Variants in FLNB observed in about 807,000 individuals in gnomAD.
FLNB encodes the protein filamin-B.
Under a neutral mutation model 250.6 loss-of-function variants are expected in FLNB, and 111 were observed. The observed-to-expected ratio is 0.44, with a 90% CI of 0.38 to 0.52. The LOEUF (loss-of-function observed/expected upper bound fraction) is 0.52. Ranked by LOEUF, FLNB falls within the 20% of genes least tolerant of loss-of-function variation. The pLI, the probability that FLNB is intolerant of heterozygous loss-of-function variation, is 0.00. For missense variants in FLNB, 2,869 were observed against 3,447.8 expected (o/e 0.83, Z 4.20); for synonymous variants, 1,302 against 1,372.1 (o/e 0.95, Z 1.13).
chr3:58,054,654 C>T (rs1480173148), intron 1 of FLNB, among the ~76,000 whole-genome samples: 2 of 152,126 alleles, frequency 1.3e-5, no homozygotes, highest in African/African-American at 4.8e-5. Flanking sequence ...ATGGGGGTAA[C>T]CATTCCCCTG....
rs767408107 is a variant in FLNB, at chr3:58,142,676, G to A, written c.5208G>A (p.Val1736=). The A allele has an allele frequency of 1.2e-5, 19 of 1,614,194 alleles. No homozygotes were observed. The highest frequency in any genetic ancestry group is 1.7e-5 in the Admixed American group (1 of 60,034). ...PWVTEEAYVP[V]SDMNGLGFKP... ...TGACCGAAGAGGCCTATGTCCCAGT[G>A]AGTGACATGAACGGCCTGGGATTTA... The change falls in exon 31 of 46, where the codon GTG becomes GTA. Residue 1736 remains valine (V), a synonymous_variant. Transcript: ENST00000295956. The surrounding 1 kb of genome is among the most constrained non-coding windows in gnomAD (Gnocchi z 4.3).
At chr3:58,137,393 T>C (rs545711863) in intron 28 of FLNB, among the ~76,000 whole-genome samples, 1 of 152,362 alleles carries the variant, frequency 6.6e-6, no homozygotes, top group South Asian at 2.1e-4. Flanking sequence ...GACTTCCCCC[T>C]TGCCTTGCAG....
Position 58,153,653 on chromosome 3 carries a change from G to T in FLNB, c.6634+12G>T. 1.9e-6 allele frequency: 3 copies of T among 1,613,772 alleles called. No individual in the cohort carries two copies. The highest frequency in any genetic ancestry group is 2.5e-6 in the Non-Finnish European group (3 of 1,179,892). ...AGCGGGAGTCCCAGGTGAGCATTGC[G>T]GGCAGGATTTTCACTTGGGAAGAAT... On this transcript the variant is annotated intron_variant, in intron 39 of 45. Transcript: ENST00000295956.
chr3:58,170,602 A>C lies in FLNB; in HGVS notation c.7649A>C (p.His2550Pro). 6.2e-7 allele frequency: 1 copy of C among 1,614,094 alleles called. No homozygotes were observed. ...AGSNMLLIGV[H>P]GPTTPCEEVS... ...TCCAACATGCTGCTGATCGGGGTCC[A>C]TGGGCCCACCACCCCCTGCGAGGAG... Residue 2550 changes from histidine to proline, a missense_variant, in exon 46 of 46, where the codon CAT (histidine) becomes CCT (proline). By Grantham distance (77) the His-to-Pro change is moderately conservative. Coordinates refer to ENST00000295956, the MANE Select transcript of FLNB (RefSeq NM_001457.4).
chr3:58,125,771 T>G (rs2097296769), intron 23 of FLNB, 28 bp downstream of exon 23: 2 of 1,610,366 alleles, frequency 1.2e-6, no homozygotes, highest in African/African-American at 1.3e-5. Flanking sequence ...TTTGGTGTCT[T>G]GAGTCTCACT....
rs1284183738 is a variant in FLNB, at chr3:58,163,148, T to TCCTAGATAA, written c.7022-5_7025dup. 1 of 1,614,118 alleles carries TCCTAGATAA rather than the reference T, an allele frequency of 6.2e-7. No individual in the cohort carries two copies. Among genetic ancestry groups the TCCTAGATAA allele is most frequent in the Admixed American group, 1.7e-5 (1 of 60,030 alleles). ...TTTCACCCTGTGCCTTTGCTCATTC[T>TCCTAGATAA]CCTAGATAAGTATGCTGTTCGCTTC... On this transcript the variant is annotated splice_region_variant and splice_polypyrimidine_tract_variant and intron_variant, in intron 42 of 45. Transcript: ENST00000295956.
At chr3:58,087,424 A>G (rs1399451494) in intron 4 of FLNB, among the ~76,000 whole-genome samples, 1 of 151,960 alleles carries the variant, frequency 6.6e-6, no homozygotes, top group Non-Finnish European at 1.5e-5. Flanking sequence ...CAGGAGGTCC[A>G]CTGTGCAGTG....
At chr3:58,106,386 C>T (rs1346061276) in intron 11 of FLNB, among the ~76,000 whole-genome samples, 2 of 125,124 alleles carry the variant, frequency 1.6e-5, no homozygotes, top group East Asian at 3.9e-4. Context: ...ATCCTCCTGG[C>T]CTCAAGTGAT....
At chr3:58,124,782 T>C (rs1359084377) in intron 22 of FLNB, among the ~76,000 whole-genome samples, 2 of 152,234 alleles carry the variant, frequency 1.3e-5, no homozygotes, top group Non-Finnish European at 2.9e-5. Flanking sequence ...GCCATTTTTC[T>C]TTGCGTATGA....
At chr3:58,159,442 A>G in intron 41 of FLNB, 112 bp from the exon 42 acceptor site, 1 of 1,086,898 alleles carries the variant, frequency 9.2e-7, no homozygotes, top group South Asian at 1.3e-5. Context: ...TATGTTATAT[A>G]GAAAAACCTA....
intron 1 of FLNB, among the ~76,000 whole-genome samples, chr3:58,052,647 G>T (rs181389802): frequency 7.0e-4 from 107 of 152,324 alleles, no homozygotes; most frequent in Non-Finnish European, 1.3e-3. Flanking sequence ...ATGGCAGGTT[G>T]TCATCTGAGC....
chr3:58,104,090 G>C lies in FLNB; in HGVS notation c.1610+5G>C, dbSNP rs745828853. 1.9e-6 allele frequency: 3 copies of C among 1,613,550 alleles called. No individual in the cohort carries two copies. In the African/African-American group the frequency reaches 4.0e-5, roughly 22 times the overall value. On this transcript the variant is annotated splice_donor_5th_base_variant and intron_variant, in intron 10 of 45. Transcript: ENST00000295956. ...GGGACACCACATTCCAAAGAGGTGA[G>C]GCTCCTGCTGCAGAGGGGTCTTCTC...
intron 1 of FLNB, among the ~76,000 whole-genome samples, chr3:58,032,357 C>A (rs904843319): frequency 6.6e-6 from 1 of 152,138 alleles, no homozygotes; most frequent in South Asian, 2.1e-4. Flanking sequence ...TCTCCCCCTA[C>A]CCCCACCCCA....
intron 42 of FLNB, among the ~76,000 whole-genome samples, chr3:58,159,952 G>A (rs1401569954): frequency 6.6e-6 from 1 of 151,990 alleles, no homozygotes; most frequent in African/African-American, 2.4e-5. Context: ...TAACCTGAGA[G>A]GTCAAGGCTG....
rs940123756 is a variant in FLNB at position 58,126,526 on chromosome 3, T to C, written c.4062-76T>C. 11 of 1,428,464 alleles carry C rather than the reference T, an allele frequency of 7.7e-6. No individual in the cohort carries two copies. The Admixed American group carries it at 1.8e-4, about 24-fold the overall frequency. 88.5% of individuals were successfully genotyped at this position (1,428,464 alleles called of 1,614,324 possible). A position where few individuals can be genotyped will look rare whatever the true frequency, so the allele number is the denominator to read the frequency against. ...ACGTGGAATAGTTTATAAAGGGAATTTGCATGAATTTTGGCAATAAGCAGA... is the reference window on the plus strand; with the variant it reads ...ACGTGGAATAGTTTATAAAGGGAATCTGCATGAATTTTGGCAATAAGCAGA... On this transcript the variant is annotated intron_variant, in intron 23 of 45. Coordinates refer to ENST00000295956, the MANE Select transcript of FLNB (RefSeq NM_001457.4).
rs1207996731 is a variant in FLNB, at chr3:58,169,743, A to G, written c.7571A>G (p.Lys2524Arg). 1 of 1,605,792 alleles carries G rather than the reference A, an allele frequency of 6.2e-7. No individual in the cohort carries two copies. The highest frequency in any genetic ancestry group is 1.1e-5 in the South Asian group (1 of 90,980). The change falls in exon 45 of 46, where the codon AAG (lysine) becomes AGG (arginine). Residue 2524 changes from lysine (K) to arginine (R), a missense_variant. Transcript: ENST00000295956. This position sits in a 1 kb window ranked among gnomAD's most constrained non-coding sequence, Gnocchi z 4.8. ...ACCTCTAAGGGGGCAGGGCTCTCAA[A>G]GGCCTTTGTGGGCCAGAAGAGTTCC... ...KVTSKGAGLS[K>R]AFVGQKSSFL... is the part of the protein sequence containing the mutation.
intron 1 of FLNB, among the ~76,000 whole-genome samples, chr3:58,069,601 C>T (rs759996618): frequency 3.3e-5 from 5 of 152,090 alleles, no homozygotes; most frequent in African/African-American, 9.7e-5. Flanking sequence ...AAGAAGGACA[C>T]GTCTGAGCCG....
In FLNB at chr3:58,102,260, G is replaced by A. The variant is rs1446446854; in HGVS notation, c.1403G>A (p.Arg468His). The A allele has an allele frequency of 7.4e-6, 12 of 1,614,222 alleles. No individual in the cohort carries two copies. The highest frequency in any genetic ancestry group is 5.0e-5 in the Admixed American group (3 of 60,028). ...SGRGLQPKGVRIRETTDFKVD... is the reference protein window; with the variant it reads ...SGRGLQPKGVHIRETTDFKVD... ...CGAGGCCTACAACCCAAAGGCGTCC[G>A]TATCCGGGAGACCACAGATTTCAAG... The change falls in exon 9 of 46, where the codon CGT (arginine) becomes CAT (histidine). Residue 468 changes from arginine (R) to histidine (H), a missense_variant. This residue lies in a region of FLNB where 1,348 missense variants were observed against 1,466.7 expected (regional missense o/e 0.92). Transcript: ENST00000295956.
chr3:58,122,978 G>A lies in FLNB; in HGVS notation c.3127-115G>A, dbSNP rs1355684490. On this transcript the variant is annotated intron_variant, in intron 20 of 45. Coordinates refer to ENST00000295956, the MANE Select transcript of FLNB (RefSeq NM_001457.4). ...ACGTGTGACACATAAAGCCCCAAGA[G>A]AAGGGCTGCCTGGCTCAGATGCACT... 15 of 959,058 alleles carry A rather than the reference G, an allele frequency of 1.6e-5. No individual in the cohort carries two copies. The Admixed American group carries it at 2.2e-4, about 14-fold the overall frequency. The allele number at this position is 959,058 out of a possible 1,614,324, so 59.4% of individuals were successfully genotyped here.
Sources: gnomAD v4.1 joint callset for allele counts (sites outside exome capture counted in the v4.1 genomes callset) on GRCh38, gnomAD v4.1.1 for gene constraint, gnomAD v4.1.1 regional missense constraint, Gnocchi (gnomAD v3.1) non-coding constraint, MANE v1.5 for transcripts, NCBI Gene and HGNC (gene_info 2026-07-23, HGNC 2026-07-21) for gene names.